RSRC1: variants seen among roughly 807,000 people sequenced by gnomAD.
RSRC1 encodes the protein arginine and serine rich coiled-coil 1.
Under a neutral mutation model 49.1 loss-of-function variants are expected in RSRC1, and 39 were observed. The observed-to-expected ratio is 0.79, with a 90% CI of 0.61 to 1.04. The LOEUF is 1.04. Among genes scored for constraint, RSRC1 ranks in the 50% least tolerant of loss-of-function variants. The pLI, the probability that RSRC1 is intolerant of heterozygous loss-of-function variation, is 0.00. For missense variants in RSRC1, 388 were observed against 402.4 expected (o/e 0.96, Z 0.31); for synonymous variants, 143 against 130.8 (o/e 1.09, Z -0.63).
At chr3:158,233,250 A>G (rs1723062972) in intron 4 of RSRC1, among the ~76,000 whole-genome samples, 1 of 151,884 alleles carries the variant, frequency 6.6e-6, no homozygotes, top group South Asian at 2.1e-4. Context: ...ATTTGTTTTT[A>G]TATCAGTGGG....
intron 3 of RSRC1, among the ~76,000 whole-genome samples, chr3:158,194,054 TACACACACACACACACACACACACACAC>T (rs10530687): frequency 2.1e-5 from 3 of 144,076 alleles, no homozygotes; most frequent in African/African-American, 5.2e-5. Context: ...ACCCCGTCTA[TACACACACACACACACACACACACACAC>T]ACACACACAC....
chr3:158,360,124 C>T (rs1456415224), intron 6 of RSRC1, among the ~76,000 whole-genome samples: 1 of 152,082 alleles, frequency 6.6e-6, no homozygotes, highest in Non-Finnish European at 1.5e-5. Context: ...CAGGTTGTCC[C>T]ATCATGTCTG....
At chr3:158,359,973 G>A (rs1731380301) in intron 6 of RSRC1, among the ~76,000 whole-genome samples, 1 of 152,222 alleles carries the variant, frequency 6.6e-6, no homozygotes. Flanking sequence ...ACAGAGAGTA[G>A]CTCCTCTCTG....
chr3:158,459,642 A>G (rs1362686973), intron 6 of RSRC1, among the ~76,000 whole-genome samples: 1 of 152,070 alleles, frequency 6.6e-6, no homozygotes, highest in Non-Finnish European at 1.5e-5. Flanking sequence ...TAAAGTGTAA[A>G]TGAAGTAAAA....
At chr3:158,450,244 C>A (rs1038825977) in intron 6 of RSRC1, among the ~76,000 whole-genome samples, 3 of 150,280 alleles carry the variant, frequency 2.0e-5, no homozygotes, top group Admixed American at 6.6e-5. Flanking sequence ...AAGAAACTAA[C>A]AAAAAATAAC....
At chr3:158,401,457 C>T (rs946048500) in intron 6 of RSRC1, among the ~76,000 whole-genome samples, 2 of 151,910 alleles carry the variant, frequency 1.3e-5, no homozygotes, top group African/African-American at 2.4e-5. Flanking sequence ...GACGGAGAAA[C>T]GTCTGGGTAA....
At chr3:158,422,768 C>G (rs1042144256) in intron 6 of RSRC1, among the ~76,000 whole-genome samples, 51 of 150,248 alleles carry the variant, frequency 3.4e-4, no homozygotes, top group Middle Eastern at 3.4e-3. Context: ...GATTGCCATT[C>G]TAACTGGTGT....
At chr3:158,350,472 G>T (rs67761009) in intron 5 of RSRC1, among the ~76,000 whole-genome samples, 1 of 151,836 alleles carries the variant, frequency 6.6e-6, no homozygotes, top group African/African-American at 2.4e-5. Flanking sequence ...CATGCCCAGC[G>T]TAGAACTGTA....
At chr3:158,537,329 TGAGA>T in intron 8 of RSRC1, 131 bp downstream of exon 8, 1 of 534,598 alleles carries the variant, frequency 1.9e-6, no homozygotes, top group Non-Finnish European at 3.3e-6. Context: ...GCCATGTTGC[TGAGA>T]GAGAGAAAAC....
At chr3:158,477,798 T>TTTTTTATA (rs1485762587) in intron 7 of RSRC1, among the ~76,000 whole-genome samples, 2 of 89,770 alleles carry the variant, frequency 2.2e-5, no homozygotes, top group Non-Finnish European at 4.6e-5. Context: ...CGGGAGGGAT[T>TTTTTTATA]TATATATATA....
At chr3:158,237,656 T>C (rs1388198221) in intron 4 of RSRC1, among the ~76,000 whole-genome samples, 2 of 152,202 alleles carry the variant, frequency 1.3e-5, no homozygotes, top group Non-Finnish European at 2.9e-5. Flanking sequence ...TTCAAGCCTT[T>C]TGTCCACTTA....
intron 3 of RSRC1, among the ~76,000 whole-genome samples, chr3:158,156,232 C>T (rs1717871102): frequency 6.6e-6 from 1 of 152,184 alleles, no homozygotes; most frequent in Admixed American, 6.5e-5. Flanking sequence ...CATGAACTAA[C>T]CTCTGCTAGC....
intron 4 of RSRC1, among the ~76,000 whole-genome samples, chr3:158,264,692 C>G (rs1725075092): frequency 6.6e-6 from 1 of 152,178 alleles, no homozygotes; most frequent in Non-Finnish European, 1.5e-5. Context: ...CAGCTAAGTT[C>G]CTTGGAAACA....
At position 158,544,383 on chromosome 3, in the gene RSRC1, T is replaced by C. The variant is rs1260804652; in HGVS notation, c.*108T>C. 7 of 607,230 alleles carry C rather than the reference T, an allele frequency of 1.2e-5. No homozygotes were observed. The highest frequency in any genetic ancestry group is 1.4e-5 in the Non-Finnish European group (5 of 351,494). The allele number at this position is 607,230 out of a possible 1,614,324, so 37.6% of individuals were successfully genotyped here. ...CTTAAAAAGAATTTTGCTGATTATATATAAAGGTAGTCTCATTTCATTTGT... is the reference window on the plus strand; with the variant it reads ...CTTAAAAAGAATTTTGCTGATTATACATAAAGGTAGTCTCATTTCATTTGT... On this transcript the variant is annotated 3_prime_UTR_variant, in exon 10 of 10. Coordinates refer to ENST00000611884, the MANE Select transcript of RSRC1 (RefSeq NM_001271838.2).
At chr3:158,382,835 G>A (rs1326521705) in intron 6 of RSRC1, among the ~76,000 whole-genome samples, 2 of 152,084 alleles carry the variant, frequency 1.3e-5, no homozygotes, top group African/African-American at 4.8e-5. Flanking sequence ...TATGAGTATT[G>A]TATCTTTAAC....
intron 5 of RSRC1, among the ~76,000 whole-genome samples, chr3:158,314,467 A>G (rs1263300407): frequency 6.6e-6 from 1 of 151,700 alleles, no homozygotes. Flanking sequence ...TTCACATGTT[A>G]AATGAAAATA....
intron 6 of RSRC1, among the ~76,000 whole-genome samples, chr3:158,409,611 T>C (rs548015449): frequency 2.0e-5 from 3 of 152,312 alleles, no homozygotes; most frequent in Admixed American, 2.0e-4. Context: ...TTCAATAACA[T>C]GTCCCCCATC....
intron 7 of RSRC1, among the ~76,000 whole-genome samples, chr3:158,536,806 G>A (rs1412310948): frequency 6.6e-6 from 1 of 151,424 alleles, no homozygotes; most frequent in African/African-American, 2.4e-5. Flanking sequence ...CCTTTTATAT[G>A]TATTTCCATG....
At chr3:158,290,375 C>A (rs1328650287) in intron 4 of RSRC1, among the ~76,000 whole-genome samples, 1 of 152,044 alleles carries the variant, frequency 6.6e-6, no homozygotes, top group Non-Finnish European at 1.5e-5. Flanking sequence ...CAGGTTCACG[C>A]CATTCTCCTG....
Sources: allele counts gnomAD v4.1 joint callset (sites outside exome capture counted in the v4.1 genomes callset), GRCh38; gene constraint gnomAD v4.1.1; transcripts MANE v1.5; gene names NCBI Gene and HGNC (gene_info 2026-07-23, HGNC 2026-07-21).